Variants in MAP3K19 observed in about 807,000 individuals in gnomAD.
The protein encoded by MAP3K19 is mitogen-activated protein kinase kinase kinase 19.
A neutral mutation model predicts 114.4 loss-of-function variants in MAP3K19; 91 were observed. The observed-to-expected ratio is 0.80, with a 90% CI of 0.67 to 0.95. The LOEUF (loss-of-function observed/expected upper bound fraction) is 0.95, where lower values mean the gene tolerates loss of function less well. Ranked by LOEUF, MAP3K19 falls within the 40% of genes least tolerant of loss-of-function variation. The probability of loss-of-function intolerance (pLI) is 0.00; values close to 1 mark genes in which losing one functional copy is unlikely to be tolerated. For synonymous variants in MAP3K19, 518 were observed against 530.5 expected, an observed-to-expected ratio of 0.98 and a Z score of 0.32; for missense variants, 1,471 against 1,573.2, an observed-to-expected ratio of 0.94 and a Z score of 1.10.
At chr2:134,990,448 T>A (rs1189664695) in intron 9 of MAP3K19, among the ~76,000 whole-genome samples, 2 of 133,048 alleles carry the variant, frequency 1.5e-5, no homozygotes, top group African/African-American at 5.4e-5. Flanking sequence ...TTCCTTATGA[T>A]TTTCTTTTTT....
In MAP3K19 at chr2:135,021,791, G is replaced by A; in HGVS notation, c.62C>T (p.Thr21Ile). The A allele has an allele frequency of 6.2e-7, 1 of 1,611,212 alleles. No individual in the cohort carries two copies. The highest frequency in any genetic ancestry group is 8.5e-7 in the Non-Finnish European group (1 of 1,178,896). ...AESLLDICHD[T>I]NSSPTDLMTV... is the part of the protein sequence containing the mutation. Reference sequence around the variant, plus strand: ...CATCAAATCAGTTGGAGAAGAGTTTGTATCATGACAAATGTCAAGCAATGA... The same window carrying A: ...CATCAAATCAGTTGGAGAAGAGTTTATATCATGACAAATGTCAAGCAATGA... The change falls in exon 5 of 13, where the codon ACA (threonine) becomes ATA (isoleucine). Residue 21 changes from threonine to isoleucine, a missense_variant. By Grantham distance (89) the Thr-to-Ile change is moderately conservative. Coordinates refer to ENST00000392915, the MANE Select transcript of MAP3K19 (RefSeq NM_025052.5).
At chr2:134,998,664 G>A (rs966456960) in intron 8 of MAP3K19, 74 bp downstream of exon 8, 1 of 1,440,338 alleles carries the variant, frequency 6.9e-7, no homozygotes, top group East Asian at 2.3e-5. Flanking sequence ...CTAGCATTTA[G>A]AACAGTGCCT....
chr2:134,972,931 T>C (rs982549556), intron 12 of MAP3K19, among the ~76,000 whole-genome samples: 1 of 152,268 alleles, frequency 6.6e-6, no homozygotes, highest in African/African-American at 2.4e-5. Context: ...TCCATGTATT[T>C]ATACAGTTTC....
intron 2 of MAP3K19, among the ~76,000 whole-genome samples, chr2:135,037,917 C>T (rs1429666409): frequency 1.3e-5 from 2 of 152,126 alleles, no homozygotes; most frequent in African/African-American, 2.4e-5. Flanking sequence ...ACACACTGCC[C>T]TTTTTCTCTG....
intron 5 of MAP3K19, among the ~76,000 whole-genome samples, chr2:135,016,105 A>C (rs1436931781): frequency 6.6e-6 from 1 of 152,102 alleles, no homozygotes; most frequent in Non-Finnish European, 1.5e-5. Flanking sequence ...AAATTGAAAA[A>C]AATTATCCGG....
Position 134,964,845 on chromosome 2 carries a change from T to C in MAP3K19, c.*5A>G. ...TGGAACTGGGAAGAAAGTCTTGATG[T>C]ATATTCAGTGACTTCTCTCCAAGAA... is the stretch of plus-strand genomic sequence containing the variant. On this transcript the variant is annotated 3_prime_UTR_variant, in exon 13 of 13. Transcript: ENST00000392915. The C allele has an allele frequency of 1.2e-6, 2 of 1,610,356 alleles. No homozygotes were observed. Among genetic ancestry groups the C allele is most frequent in the Non-Finnish European group, 8.5e-7 (1 of 1,176,914 alleles).
chr2:134,990,332 C>T (rs1253253962), intron 9 of MAP3K19, among the ~76,000 whole-genome samples: 1 of 152,202 alleles, frequency 6.6e-6, no homozygotes, highest in East Asian at 1.9e-4. Context: ...CACGACCAAG[C>T]CCTCCTGTTC....
chr2:135,009,003 G>A (rs979896913), intron 5 of MAP3K19, among the ~76,000 whole-genome samples: 6 of 152,008 alleles, frequency 3.9e-5, no homozygotes, highest in Non-Finnish European at 8.8e-5. Flanking sequence ...CCAGGCTGGA[G>A]TGCTGTGGTG....
intron 5 of MAP3K19, among the ~76,000 whole-genome samples, chr2:135,006,098 A>T (rs973817015): frequency 1.3e-5 from 2 of 152,258 alleles, no homozygotes; most frequent in African/African-American, 4.8e-5. Flanking sequence ...CTCTCTAGAA[A>T]ATAATCATTA....
intron 10 of MAP3K19, 115 bp downstream of exon 10, chr2:134,985,685 A>C: frequency 1.0e-6 from 1 of 964,530 alleles, no homozygotes; most frequent in Non-Finnish European, 1.5e-6. Flanking sequence ...GACCTTGAAA[A>C]AACTATTTAA....
At position 134,975,203 on chromosome 2, in the gene MAP3K19, T is replaced by TA. The variant is rs1684151446; in HGVS notation, c.3920+5617dup. ...CCTCCAAGGCTTGCTCAGGTCCTGG[T>TA]AGTGGCAGTGGTGTGCTGGGTGGGT... On this transcript the variant is annotated intron_variant, in intron 12 of 12. Transcript: ENST00000392915. Among the ~76,000 whole-genome samples the TA allele has an allele frequency of 3.3e-5, 5 of 152,206 alleles. No homozygotes were observed. The South Asian group carries it at 1.0e-3, about 32-fold the overall frequency.
intron 5 of MAP3K19, 92 bp from the exon 6 acceptor site, chr2:135,005,623 T>A (rs1361001556): frequency 2.2e-6 from 2 of 891,536 alleles, no homozygotes; most frequent in African/African-American, 1.7e-5. Context: ...GGGCTAAAGA[T>A]TTACACCATG....
At chr2:134,991,423 TA>T in intron 9 of MAP3K19, 113 bp downstream of exon 9, 1 of 887,488 alleles carries the variant, frequency 1.1e-6, no homozygotes, top group Non-Finnish European at 1.9e-6. Flanking sequence ...TCAGTGACCC[TA>T]CCCCCTGCAT....
intron 5 of MAP3K19, among the ~76,000 whole-genome samples, chr2:135,011,709 CT>C (rs1272520364): frequency 6.6e-6 from 1 of 151,796 alleles, no homozygotes; most frequent in Admixed American, 6.6e-5. Context: ...TAGAAACAGA[CT>C]CTCCCTCTGT....
At chr2:135,029,507 A>G (rs1688332978) in intron 3 of MAP3K19, among the ~76,000 whole-genome samples, 1 of 152,250 alleles carries the variant, frequency 6.6e-6, no homozygotes, top group African/African-American at 2.4e-5. Flanking sequence ...ATTTTAGACT[A>G]TCATTTAGTC....
intron 10 of MAP3K19, among the ~76,000 whole-genome samples, chr2:134,984,338 C>T (rs1039091496): frequency 1.3e-5 from 2 of 152,122 alleles, no homozygotes; most frequent in African/African-American, 4.8e-5. Context: ...CATATGTGTT[C>T]ACACAAATGT....
At chr2:135,026,881 T>A (rs1177806108) in intron 3 of MAP3K19, among the ~76,000 whole-genome samples, 1 of 152,146 alleles carries the variant, frequency 6.6e-6, no homozygotes, top group African/African-American at 2.4e-5. Flanking sequence ...CCAGATATCA[T>A]AAGAATAATA....
chr2:135,002,219 A>T (rs1686493424), intron 6 of MAP3K19, among the ~76,000 whole-genome samples: 1 of 152,214 alleles, frequency 6.6e-6, no homozygotes, highest in Non-Finnish European at 1.5e-5. Flanking sequence ...ACATTTCAAC[A>T]TAGCCACGAA....
intron 3 of MAP3K19, among the ~76,000 whole-genome samples, chr2:135,025,298 T>C (rs912369217): frequency 2.0e-5 from 3 of 151,838 alleles, no homozygotes; most frequent in African/African-American, 7.3e-5. Flanking sequence ...CTGATACTTT[T>C]ATTTCATGGT....
Sources: allele counts gnomAD v4.1 joint callset (sites outside exome capture counted in the v4.1 genomes callset), GRCh38; gene constraint gnomAD v4.1.1; transcripts MANE v1.5; gene names NCBI Gene and HGNC (gene_info 2026-07-23, HGNC 2026-07-21).